Variants in CDH23 observed in about 807,000 individuals in gnomAD.
The protein encoded by CDH23 is cadherin-23.
Under a neutral mutation model 317.1 loss-of-function variants are expected in CDH23, and 189 were observed. That is an observed-to-expected ratio of 0.60 (90% CI 0.53 to 0.67). CDH23 has a LOEUF of 0.67. Among genes scored for constraint, CDH23 ranks in the 30% least tolerant of loss-of-function variants. The pLI is 0.00. For synonymous variants in CDH23, 1,839 were observed against 1,876.8 expected, an observed-to-expected ratio of 0.98 and a Z score of 0.52; for missense variants, 4,401 against 4,592.4, an observed-to-expected ratio of 0.96 and a Z score of 1.20.
chr10:71,808,640 C>A (rs954342402), intron 60 of CDH23, among the ~76,000 whole-genome samples: 2 of 152,192 alleles, frequency 1.3e-5, no homozygotes, highest in African/African-American at 4.8e-5. Flanking sequence ...CATTACCTTA[C>A]TCCCAGCCCC....
intron 47 of CDH23, 22 bp from the exon 48 acceptor site, chr10:71,793,160 C>T (rs1841308229): frequency 6.3e-7 from 1 of 1,582,552 alleles, no homozygotes; most frequent in Admixed American, 1.7e-5. Context: ...TGCGCAGCTA[C>T]TCCCTTTTCC....
intron 48 of CDH23, chr10:71,796,875 G>A (rs962288758): frequency 8.6e-5 from 40 of 466,120 alleles, no homozygotes; most frequent in Non-Finnish European, 1.6e-4. Context: ...GCAGAGAGGT[G>A]ACATAACTTC....
intron 11 of CDH23, among the ~76,000 whole-genome samples, chr10:71,638,971 C>T (rs890917801): frequency 3.9e-5 from 6 of 152,122 alleles, no homozygotes; most frequent in Admixed American, 1.3e-4. Context: ...GGTGGGAAAG[C>T]TGCAGCCCTA....
intron 57 of CDH23, 24 bp downstream of exon 57, chr10:71,806,305 T>C (rs1366840592): frequency 1.3e-6 from 2 of 1,486,004 alleles, no homozygotes; most frequent in South Asian, 2.4e-5. Context: ...CCTCCTGCGC[T>C]GGTCACACCC....
chr10:71,522,129 T>TG (rs575894823), intron 6 of CDH23, among the ~76,000 whole-genome samples: 1 of 28,934 alleles, frequency 3.5e-5, no homozygotes, highest in Non-Finnish European at 6.4e-5. Context: ...CTTACACAGG[T>TG]TTTTTTTTTT....
intron 6 of CDH23, among the ~76,000 whole-genome samples, chr10:71,532,793 A>G (rs1855475592): frequency 7.1e-6 from 1 of 141,832 alleles, no homozygotes; most frequent in Non-Finnish European, 1.5e-5. Flanking sequence ...GCAGTGGCAC[A>G]CTCTCAGCTC....
At chr10:71,587,463 T>C (rs982617780) in intron 9 of CDH23, among the ~76,000 whole-genome samples, 1 of 152,172 alleles carries the variant, frequency 6.6e-6, no homozygotes. Flanking sequence ...ACCACCCTCG[T>C]AGAGTTCACA....
chr10:71,592,867 T>C (rs760798944), intron 9 of CDH23, among the ~76,000 whole-genome samples: 1 of 152,200 alleles, frequency 6.6e-6, no homozygotes, highest in Non-Finnish European at 1.5e-5. Flanking sequence ...GGCCATGATG[T>C]CTACACTGCC....
intron 38 of CDH23, among the ~76,000 whole-genome samples, chr10:71,767,682 G>C (rs774737590): frequency 9.9e-5 from 15 of 152,246 alleles, no homozygotes; most frequent in Admixed American, 2.0e-4. Flanking sequence ...AGCGTCACAA[G>C]GCATAGGCTC....
chr10:71,583,410 G>C lies in CDH23; in HGVS notation c.832+5418G>C, dbSNP rs189985877. 5.8e-3 allele frequency among the ~76,000 whole-genome samples: 881 copies of C among 152,184 alleles called. 6 individuals are homozygous for C. The highest frequency in any genetic ancestry group is 7.6e-3 in the Non-Finnish European group (514 of 68,006). ...GGTGCATAGTCAGGATTGCGTTTGG[G>C]AAGCCCACTGTGGTCAAGGTGGAGC... On this transcript the variant is annotated intron_variant, in intron 9 of 69. Coordinates refer to ENST00000224721, the MANE Select transcript of CDH23 (RefSeq NM_022124.6).
At chr10:71,416,470 T>G (rs1357751790) in intron 1 of CDH23, among the ~76,000 whole-genome samples, 2 of 152,246 alleles carry the variant, frequency 1.3e-5, no homozygotes, top group African/African-American at 4.8e-5. Flanking sequence ...ATATATATTT[T>G]ACATCCATAA....
Position 71,511,121 on chromosome 10 carries a change from T to A in CDH23, c.338T>A (p.Val113Glu), listed in dbSNP as rs974637167. The change falls in exon 6 of 70, where the codon GTG becomes GAG. Residue 113 changes from valine to glutamate, a missense_variant and splice_region_variant. Val to Glu is a moderately radical substitution (Grantham distance 121). Coordinates refer to ENST00000224721, the MANE Select transcript of CDH23 (RefSeq NM_022124.6). ...AATTGCCCGCCTTTCTCTTGCCAGGTGATCACACGGAAGGTGAACATCCAG... is the reference window on the plus strand; with the variant it reads ...AATTGCCCGCCTTTCTCTTGCCAGGAGATCACACGGAAGGTGAACATCCAG... ...VEFSVSDHQG[V>E]ITRKVNIQVG... is the part of the protein sequence containing the mutation. The A allele has an allele frequency of 1.2e-6, 2 of 1,613,416 alleles. No homozygotes were observed. The highest frequency in any genetic ancestry group is 1.7e-6 in the Non-Finnish European group (2 of 1,179,484).
Position 71,690,519 on chromosome 10 carries a change from A to G in CDH23, c.2111A>G (p.Tyr704Cys), listed in dbSNP as rs1865148624. The G allele has an allele frequency of 6.2e-7, 1 of 1,611,538 alleles. No homozygotes were observed. The highest frequency in any genetic ancestry group is 8.5e-7 in the Non-Finnish European group (1 of 1,179,058). The change falls in exon 20 of 70, where the codon TAC (tyrosine) becomes TGC (cysteine). Residue 704 changes from tyrosine to cysteine, a missense_variant. Tyr to Cys is a radical substitution (Grantham distance 194). This residue lies in a region of CDH23 where 3,068 missense variants were observed against 3,203.3 expected (regional missense o/e 0.96). Coordinates refer to ENST00000224721, the MANE Select transcript of CDH23 (RefSeq NM_022124.6). ...NATDLDRSRE[Y>C]GQESIIYSLE... ...ACAGACCTGGACCGCTCCCGGGAGTACGGCCAGGAGTCCATCATCTACTCC... is the reference window on the plus strand; with the variant it reads ...ACAGACCTGGACCGCTCCCGGGAGTGCGGCCAGGAGTCCATCATCTACTCC...
At chr10:71,750,111 A>G (rs1404763282) in intron 38 of CDH23, 1 of 152,262 alleles carries the variant, frequency 6.6e-6, no homozygotes, top group East Asian at 1.9e-4. Flanking sequence ...ACAATTCCAC[A>G]GAGGACTCAC....
intron 28 of CDH23, among the ~76,000 whole-genome samples, chr10:71,722,777 G>T (rs1423148503): frequency 6.6e-6 from 1 of 152,160 alleles, no homozygotes; most frequent in Non-Finnish European, 1.5e-5. Context: ...GAGCTTGCCA[G>T]GAAACAGCCA....
chr10:71,798,159 C>T (rs1397398662), intron 49 of CDH23, among the ~76,000 whole-genome samples, 195 bp from the exon 50 acceptor site: 2 of 152,032 alleles, frequency 1.3e-5, no homozygotes, highest in Non-Finnish European at 2.9e-5. Flanking sequence ...AGCCCTTCCT[C>T]TTATGGAACA....
chr10:71,421,350 C>T (rs1033219381), intron 1 of CDH23, among the ~76,000 whole-genome samples: 4 of 152,216 alleles, frequency 2.6e-5, no homozygotes, highest in African/African-American at 9.6e-5. Context: ...ACCTGCCCCA[C>T]CTGAGGAGAA....
chr10:71,402,051 C>T (rs570775624), intron 1 of CDH23, among the ~76,000 whole-genome samples: 1 of 152,302 alleles, frequency 6.6e-6, no homozygotes, highest in South Asian at 2.1e-4. Flanking sequence ...TCTAGTCTTT[C>T]AGTGTGAAAG....
At chr10:71,515,730 C>T (rs188700079) in intron 6 of CDH23, among the ~76,000 whole-genome samples, 1 of 152,250 alleles carries the variant, frequency 6.6e-6, no homozygotes, top group Admixed American at 6.5e-5. Flanking sequence ...TGCAGGATTG[C>T]TGTAGAGAAT....
Sources: gnomAD v4.1 joint callset for allele counts (sites outside exome capture counted in the v4.1 genomes callset) on GRCh38, gnomAD v4.1.1 for gene constraint, gnomAD v4.1.1 regional missense constraint, MANE v1.5 for transcripts, NCBI Gene and HGNC (gene_info 2026-07-23, HGNC 2026-07-21) for gene names.